The following AP3B1 variants were observed in gnomAD, a reference collection of about 807,000 sequenced individuals.
AP3B1 encodes adaptor related protein complex 3 subunit beta 1, also known as AP-3 complex subunit beta-1.
A neutral mutation model predicts 132.5 loss-of-function variants in AP3B1; 61 were observed. The observed-to-expected ratio is 0.46, with a 90% CI of 0.37 to 0.57. The LOEUF is 0.57. AP3B1 is among the 20% of genes least tolerant of loss of function. The pLI, the probability that AP3B1 is intolerant of heterozygous loss-of-function variation, is 0.00. For synonymous variants in AP3B1, 388 were observed against 438.3 expected, an observed-to-expected ratio of 0.89 and a Z score of 1.43; for missense variants, 1,120 against 1,289.4, an observed-to-expected ratio of 0.87 and a Z score of 2.01.
At chr5:78,287,030 T>C (rs1561222783) in intron 1 of AP3B1, among the ~76,000 whole-genome samples, 1 of 152,232 alleles carries the variant, frequency 6.6e-6, no homozygotes, top group Non-Finnish European at 1.5e-5. Flanking sequence ...TGTCAAATTA[T>C]TTCACTGTAA....
At chr5:78,273,986 T>G (rs1580577082) in intron 1 of AP3B1, among the ~76,000 whole-genome samples, 1 of 102,024 alleles carries the variant, frequency 9.8e-6, no homozygotes, top group Admixed American at 1.3e-4. Context: ...TTACGAGACA[T>G]ACTAAAAACA....
At chr5:78,272,834 A>T (rs1748603571) in intron 1 of AP3B1, among the ~76,000 whole-genome samples, 1 of 152,164 alleles carries the variant, frequency 6.6e-6, no homozygotes, top group Admixed American at 6.5e-5. Flanking sequence ...TTTTGGTGTT[A>T]ACTCTGAATA....
intron 19 of AP3B1, among the ~76,000 whole-genome samples, chr5:78,112,098 T>C (rs1038122610): frequency 2.6e-5 from 4 of 152,092 alleles, no homozygotes; most frequent in African/African-American, 9.7e-5. Context: ...TATTAGGAGC[T>C]TTAAAAAATT....
At position 78,002,720 on chromosome 5, in the gene AP3B1, G is replaced by A. The variant is rs190285646; in HGVS notation, c.*182C>T. ...CTCTTTGGTTAGCAAAGCAAAAAGG[G>A]GGAAAGTATTGCATACATGATAGAT... On this transcript the variant is annotated 3_prime_UTR_variant, in exon 27 of 27. Coordinates refer to ENST00000255194, the MANE Select transcript of AP3B1 (RefSeq NM_003664.5). 142 of 712,444 alleles carry A rather than the reference G, an allele frequency of 2.0e-4. No individual in the cohort carries two copies. Among genetic ancestry groups the A allele is most frequent in the Non-Finnish European group, 3.1e-4 (128 of 414,934 alleles). 44.1% of individuals were successfully genotyped at this position (712,444 alleles called of 1,614,324 possible).
rs938821612 is a variant in AP3B1, at chr5:78,225,570, A to C, written c.575T>G (p.Ile192Ser). ...GCTTTTATCTTTCAGAAGTTTTTCA[A>C]TTACTTCAATTAACATTTCCTTCTG... is the stretch of plus-strand genomic sequence containing the variant. ...PEQKEMLIEV[I>S]EKLLKDKSTL... The change falls in exon 6 of 27, where the codon ATT becomes AGT. Residue 192 changes from isoleucine to serine, a missense_variant. Physicochemically the swap from Ile to Ser is moderately radical, Grantham distance 142 (BLOSUM62 -2). Around this residue, in one of 3 missense-constraint regions of AP3B1, gnomAD observed 129 missense variants for 212.4 expected, o/e 0.61. Transcript: ENST00000255194. The C allele has an allele frequency of 1.9e-6, 3 of 1,580,890 alleles. No individual in the cohort carries two copies. The highest frequency in any genetic ancestry group is 3.4e-5 in the Admixed American group (2 of 59,556).
chr5:78,123,806 T>C (rs965898497), intron 17 of AP3B1, among the ~76,000 whole-genome samples: 11 of 152,022 alleles, frequency 7.2e-5, no homozygotes, highest in African/African-American at 2.2e-4. Flanking sequence ...CTCAGGGATC[T>C]AGAACTAGAA....
rs1245594450 is a variant in AP3B1 at position 78,179,640 on chromosome 5, G to T, written c.942+1867C>A. Among the ~76,000 whole-genome samples, 4 of 152,024 alleles carry T rather than the reference G, an allele frequency of 2.6e-5. No homozygotes were observed. In the East Asian group the frequency reaches 7.7e-4, roughly 29 times the overall value. On this transcript the variant is annotated intron_variant, in intron 8 of 26. Transcript: ENST00000255194. ...TTTTCTACTCTTAACCATTCATGCC[G>T]CTGTCACCTTATTTAGACTGTTAGA... is the stretch of plus-strand genomic sequence containing the variant.
intron 3 of AP3B1, among the ~76,000 whole-genome samples, chr5:78,233,214 C>T (rs1746724849): frequency 6.6e-6 from 1 of 151,212 alleles, no homozygotes; most frequent in Non-Finnish European, 1.5e-5. Flanking sequence ...GGAGAAGTTC[C>T]TCAGCCTTTG....
chr5:78,080,137 T>C (rs193188480), intron 22 of AP3B1, among the ~76,000 whole-genome samples: 75 of 152,076 alleles, frequency 4.9e-4, no homozygotes, highest in Middle Eastern at 3.4e-3. Flanking sequence ...GCCTCCCGAG[T>C]AGCTGGAACC....
intron 2 of AP3B1, among the ~76,000 whole-genome samples, chr5:78,261,235 T>A (rs1244690135): frequency 6.6e-6 from 1 of 152,228 alleles, no homozygotes; most frequent in Admixed American, 6.5e-5. Flanking sequence ...CAGCAATGCA[T>A]AAGAGTTCTT....
At chr5:78,115,215 G>A (rs928247147) in intron 18 of AP3B1, among the ~76,000 whole-genome samples, 3 of 152,184 alleles carry the variant, frequency 2.0e-5, no homozygotes, top group Non-Finnish European at 4.4e-5. Context: ...TACAGGTAAT[G>A]TATCACAGAT....
At chr5:78,056,499 CAT>C (rs1321748944) in intron 22 of AP3B1, among the ~76,000 whole-genome samples, 12 of 152,174 alleles carry the variant, frequency 7.9e-5, no homozygotes, top group Admixed American at 7.9e-4. Context: ...ATTAAAAGTA[CAT>C]GTCAAAAAGC....
In AP3B1 at chr5:78,162,832, C is replaced by G. The variant is rs1743440765; in HGVS notation, c.1350G>C (p.Leu450=). The part of the protein sequence containing the change: ...DTCLNGLVCL[L]SNRDEIVVAE... ...CTGTAAACTTACCATCCCTGTTGGA[C>G]AGCAGACAGACCAAGCCATTGAGGC... The change falls in exon 13 of 27, where the codon CTG becomes CTC. Residue 450 remains leucine (L), a synonymous_variant. Transcript: ENST00000255194. 1.9e-6 allele frequency: 3 copies of G among 1,613,962 alleles called. No homozygotes were observed. The highest frequency in any genetic ancestry group is 2.2e-5 in the South Asian group (2 of 91,082).
intron 11 of AP3B1, among the ~76,000 whole-genome samples, chr5:78,169,918 CCT>C (rs927632032): frequency 3.9e-5 from 6 of 152,064 alleles, no homozygotes; most frequent in African/African-American, 9.7e-5. Flanking sequence ...CCCACAAACC[CCT>C]GACAGGCCCC....
intron 7 of AP3B1, among the ~76,000 whole-genome samples, chr5:78,197,842 G>A (rs1328463761): frequency 6.6e-6 from 1 of 152,060 alleles, no homozygotes; most frequent in East Asian, 1.9e-4. Context: ...CAGTAACAAT[G>A]GACTTAGTAG....
At chr5:78,034,616 A>G (rs1325844438) in intron 23 of AP3B1, among the ~76,000 whole-genome samples, 171 bp from the exon 24 acceptor site, 1 of 151,974 alleles carries the variant, frequency 6.6e-6, no homozygotes, top group Non-Finnish European at 1.5e-5. Context: ...TAACCTAACT[A>G]TTCTGTTTCA....
chr5:78,010,284 C>T (rs1028878743), intron 26 of AP3B1, among the ~76,000 whole-genome samples: 1 of 152,148 alleles, frequency 6.6e-6, no homozygotes, highest in African/African-American at 2.4e-5. Flanking sequence ...TGTGGCATTA[C>T]AGCTTGATAA....
intron 14 of AP3B1, among the ~76,000 whole-genome samples, chr5:78,144,729 C>A (rs138685794): frequency 6.6e-6 from 1 of 152,320 alleles, no homozygotes; most frequent in Non-Finnish European, 1.5e-5. Flanking sequence ...TCAGTTTTTA[C>A]AGAATAACAT....
intron 1 of AP3B1, among the ~76,000 whole-genome samples, chr5:78,280,802 C>T (rs1253911688): frequency 3.9e-5 from 6 of 152,150 alleles, no homozygotes; most frequent in Non-Finnish European, 8.8e-5. Flanking sequence ...GCCTTTGTCC[C>T]TGATGCACTT....
Sources: allele counts gnomAD v4.1 joint callset (sites outside exome capture counted in the v4.1 genomes callset), GRCh38; gene constraint gnomAD v4.1.1; regional missense constraint gnomAD v4.1.1; transcripts MANE v1.5; gene names NCBI Gene and HGNC (gene_info 2026-07-23, HGNC 2026-07-21).